DENND3: variants seen among roughly 807,000 people sequenced by gnomAD.
The protein encoded by DENND3 is DENN domain-containing protein 3.
A neutral mutation model predicts 135.1 loss-of-function variants in DENND3; 88 were observed. That is an observed-to-expected ratio of 0.65 (90% CI 0.55 to 0.78). DENND3 has a LOEUF of 0.78. DENND3 is among the 30% of genes least tolerant of loss of function. The pLI, the probability that DENND3 is intolerant of heterozygous loss-of-function variation, is 0.00. For synonymous variants in DENND3, 693 were observed against 712.3 expected, an observed-to-expected ratio of 0.97 and a Z score of 0.43; for missense variants, 1,392 against 1,688.4, an observed-to-expected ratio of 0.82 and a Z score of 3.08.
At chr8:141,185,965 CA>C (rs772787613) in intron 18 of DENND3, among the ~76,000 whole-genome samples, 2 of 150,948 alleles carry the variant, frequency 1.3e-5, no homozygotes, top group African/African-American at 2.4e-5. Context: ...TTTTTTGAGA[CA>C]GGGTCTTGCT....
rs976361359 is a variant in DENND3 at position 141,194,434 on chromosome 8, G to A, written c.*201G>A. The A allele has an allele frequency of 1.3e-5, 8 of 611,956 alleles. No individual in the cohort carries two copies. Among genetic ancestry groups the A allele is most frequent in the Non-Finnish European group, 2.3e-5 (8 of 350,380 alleles). 37.9% of individuals were successfully genotyped at this position (611,956 alleles called of 1,614,324 possible). A position where few individuals can be genotyped will look rare whatever the true frequency, so the allele number is the denominator to read the frequency against. On this transcript the variant is annotated 3_prime_UTR_variant, in exon 23 of 23. Transcript: ENST00000519811. ...GGCCTTCGGGCCCCCTGGTTAAACT[G>A]CACCAAGGGTGTTTCCTGTTGGGGT... is the stretch of plus-strand genomic sequence containing the variant.
At position 141,165,304 on chromosome 8, in the gene DENND3, T is replaced by A; in HGVS notation, c.1553+15T>A. On this transcript the variant is annotated intron_variant, in intron 11 of 22. Coordinates refer to ENST00000519811, the MANE Select transcript of DENND3 (RefSeq NM_001352890.3). ...GAGGAGGACAGGTGCTTCACTGTTG[T>A]GTTTTGGATCTGCAGCTCTTTAGGA... 2.5e-6 allele frequency: 4 copies of A among 1,605,758 alleles called. No individual in the cohort carries two copies. In the South Asian group the frequency reaches 4.4e-5, roughly 18 times the overall value.
chr8:141,139,802 C>T lies in DENND3; in HGVS notation c.502-1401C>T, dbSNP rs1589547462. On this transcript the variant is annotated intron_variant, in intron 3 of 22. Coordinates refer to ENST00000519811, the MANE Select transcript of DENND3 (RefSeq NM_001352890.3). The surrounding 1 kb of genome is among the most constrained non-coding windows in gnomAD (Gnocchi z 4.2). ...CCTGGCGTGGGCATGCCTGGTCCTGCTCCTGCCTTCCCAGCAGCTGTGTAG... is the reference window on the plus strand; with the variant it reads ...CCTGGCGTGGGCATGCCTGGTCCTGTTCCTGCCTTCCCAGCAGCTGTGTAG... Among the ~76,000 whole-genome samples the T allele has an allele frequency of 6.6e-6, 1 of 152,254 alleles. No homozygotes were observed. Among genetic ancestry groups the T allele is most frequent in the Admixed American group, 6.5e-5 (1 of 15,292 alleles).
In DENND3 at chr8:141,144,262, A is replaced by G. The variant is rs769460963; in HGVS notation, c.735+3A>G. ...CGCCACCTGGACCGCTCCATTTGGT[A>G]AAGTATATCTGAAATTATATTGTTT... On this transcript the variant is annotated splice_donor_region_variant and intron_variant, in intron 5 of 22. Coordinates refer to ENST00000519811, the MANE Select transcript of DENND3 (RefSeq NM_001352890.3). This position sits in a 1 kb window ranked among gnomAD's most constrained non-coding sequence, Gnocchi z 4.4. The G allele has an allele frequency of 6.2e-7, 1 of 1,603,250 alleles. No homozygotes were observed. Among genetic ancestry groups the G allele is most frequent in the East Asian group, 2.2e-5 (1 of 44,686 alleles).
chr8:141,151,325 C>T (rs181937562), intron 6 of DENND3, among the ~76,000 whole-genome samples: 33 of 152,132 alleles, frequency 2.2e-4, no homozygotes, highest in African/African-American at 7.2e-4. Context: ...CTTTGGGAGG[C>T]GAAGTGGAAG....
In DENND3 at chr8:141,167,964, G is replaced by T; in HGVS notation, c.1754-40G>T. The T allele has an allele frequency of 6.4e-7, 1 of 1,571,402 alleles. No individual in the cohort carries two copies. The highest frequency in any genetic ancestry group is 8.6e-7 in the Non-Finnish European group (1 of 1,156,460). On this transcript the variant is annotated intron_variant, in intron 12 of 22. Transcript: ENST00000519811. The surrounding 1 kb of genome is among the most constrained non-coding windows in gnomAD (Gnocchi z 4.1). ...ACAGGGACACGTGTTCATTTGGAAG[G>T]TCTGTGCTAATGGTCTCCTTTTCCC...
At position 141,195,085 on chromosome 8, in the gene DENND3, G is replaced by A. The variant is rs116492192; in HGVS notation, c.*852G>A. 0.039 allele frequency: 5,957 copies of A among 152,266 alleles called. 399 individuals are homozygous for A. Among genetic ancestry groups the A allele is most frequent in the African/African-American group, 0.13 (5,587 of 41,524 alleles). 9.4% of individuals were successfully genotyped at this position (152,266 alleles called of 1,614,324 possible). Reference sequence around the variant, plus strand: ...CGTGTGATCTCGTCTTCAGTGTGCCGCTCAGTTCCCTGAATCCGTGTGCAC... The same window carrying A: ...CGTGTGATCTCGTCTTCAGTGTGCCACTCAGTTCCCTGAATCCGTGTGCAC... On this transcript the variant is annotated 3_prime_UTR_variant, in exon 23 of 23. Transcript: ENST00000519811.
Position 141,139,278 on chromosome 8 carries a change from C to T in DENND3, c.501+1141C>T, listed in dbSNP as rs542028773. Among the ~76,000 whole-genome samples, 4 of 152,214 alleles carry T rather than the reference C, an allele frequency of 2.6e-5. No individual in the cohort carries two copies. The highest frequency in any genetic ancestry group is 2.1e-4 in the South Asian group (1 of 4,820). ...ACATGTGACATTGAGTGTTGGGAGG[C>T]GTGAGGTATAATCACATGGATTCTG... On this transcript the variant is annotated intron_variant, in intron 3 of 22. Transcript: ENST00000519811. The surrounding 1 kb of genome is among the most constrained non-coding windows in gnomAD (Gnocchi z 4.2).
chr8:141,136,470 T>A, intron 1 of DENND3, 39 bp from the exon 2 acceptor site: 1 of 1,509,160 alleles, frequency 6.6e-7, no homozygotes, highest in Non-Finnish European at 8.8e-7. Context: ...GAACAAGAGC[T>A]GAGGCTGTGG....
chr8:141,150,860 T>C lies in DENND3; in HGVS notation c.762T>C (p.Ile254=), dbSNP rs141666513. The C allele has an allele frequency of 1.2e-6, 2 of 1,605,660 alleles. No homozygotes were observed. The highest frequency in any genetic ancestry group is 2.7e-5 in the African/African-American group (2 of 74,436). The change falls in exon 6 of 23, where the codon ATT becomes ATC. Residue 254 remains isoleucine, a synonymous_variant. Coordinates refer to ENST00000519811, the MANE Select transcript of DENND3 (RefSeq NM_001352890.3). The part of the protein sequence containing the change: ...HLVFNMKSLQ[I]VLPARADPES... Reference sequence around the variant, plus strand: ...TATTTAACATGAAGTCGCTCCAGATTGTGTTACCTGCCCGAGCAGACCCCG... The same window carrying C: ...TATTTAACATGAAGTCGCTCCAGATCGTGTTACCTGCCCGAGCAGACCCCG...
At chr8:141,152,137 C>A (rs1223910869) in intron 7 of DENND3, among the ~76,000 whole-genome samples, 2 of 152,236 alleles carry the variant, frequency 1.3e-5, no homozygotes, top group East Asian at 3.8e-4. Context: ...ATAGATGGTA[C>A]TGTTGTGACC....
chr8:141,133,760 ACT>A (rs1816442035), intron 1 of DENND3, among the ~76,000 whole-genome samples: 2 of 152,214 alleles, frequency 1.3e-5, no homozygotes, highest in South Asian at 4.1e-4. Flanking sequence ...GAAGACCCGA[ACT>A]GCACTGTGTT....
At chr8:141,157,904 C>T (rs1043388716) in intron 8 of DENND3, 2 of 840,268 alleles carry the variant, frequency 2.4e-6, no homozygotes, top group African/African-American at 3.7e-5. Context: ...GGATTACAGG[C>T]ATCTGTGACC....
rs1488559233 is a variant in DENND3, at chr8:141,166,417, G to A, written c.1753+28G>A. 6.3e-7 allele frequency: 1 copy of A among 1,595,718 alleles called. No homozygotes were observed. The highest frequency in any genetic ancestry group is 8.5e-7 in the Non-Finnish European group (1 of 1,173,060). On this transcript the variant is annotated intron_variant, in intron 12 of 22. Transcript: ENST00000519811. The surrounding 1 kb of genome is among the most constrained non-coding windows in gnomAD (Gnocchi z 4.3). Reference sequence around the variant, plus strand: ...GAGGGCTGCCCCCCACTGTGGTGCTGTGTGTCGGTCCCACCATTCCTGCAC... The same window carrying A: ...GAGGGCTGCCCCCCACTGTGGTGCTATGTGTCGGTCCCACCATTCCTGCAC...
chr8:141,188,741 G>A (rs1824270142), intron 18 of DENND3: 2 of 481,966 alleles, frequency 4.1e-6, no homozygotes, highest in Admixed American at 4.4e-5. Flanking sequence ...TGGGTTTCGT[G>A]TTAATGAATC....
At position 141,166,059 on chromosome 8, in the gene DENND3, C is replaced by T. The variant is rs932163155; in HGVS notation, c.1554-131C>T. 1.1e-6 allele frequency: 1 copy of T among 923,502 alleles called. No homozygotes were observed. Among genetic ancestry groups the T allele is most frequent in the Non-Finnish European group, 1.7e-6 (1 of 588,460 alleles). The allele number at this position is 923,502 out of a possible 1,614,324, so 57.2% of individuals were successfully genotyped here. A position where few individuals can be genotyped will look rare whatever the true frequency, so the allele number is the denominator to read the frequency against. On this transcript the variant is annotated intron_variant, in intron 11 of 22. Coordinates refer to ENST00000519811, the MANE Select transcript of DENND3 (RefSeq NM_001352890.3). The surrounding 1 kb of genome is among the most constrained non-coding windows in gnomAD (Gnocchi z 4.3). ...GTGAGATTTGGGCAACATGTTCTTACCAGTCTGTTTTCCACTGGTGTCCAA... is the reference window on the plus strand; with the variant it reads ...GTGAGATTTGGGCAACATGTTCTTATCAGTCTGTTTTCCACTGGTGTCCAA...
At chr8:141,129,100 A>G (rs1469524170) in intron 1 of DENND3, among the ~76,000 whole-genome samples, 1 of 152,102 alleles carries the variant, frequency 6.6e-6, no homozygotes, top group Non-Finnish European at 1.5e-5. Flanking sequence ...CCGGCCGGGA[A>G]TCTGGGGGTG....
Position 141,149,740 on chromosome 8 carries a change from A to G in DENND3, c.736-1094A>G, listed in dbSNP as rs192496257. ...AACCTAGCCGGGCACGGGCATGAGG[A>G]GAATGTGAAGGTGTCCCCCGCTGGG... On this transcript the variant is annotated intron_variant, in intron 5 of 22. Coordinates refer to ENST00000519811, the MANE Select transcript of DENND3 (RefSeq NM_001352890.3). 3.3e-5 allele frequency among the ~76,000 whole-genome samples: 5 copies of G among 152,366 alleles called. No homozygotes were observed. In the East Asian group the frequency reaches 9.6e-4, roughly 29 times the overall value.
chr8:141,183,150 A>G (rs149534968), intron 17 of DENND3, among the ~76,000 whole-genome samples: 2 of 152,342 alleles, frequency 1.3e-5, no homozygotes, highest in East Asian at 3.9e-4. Flanking sequence ...GTAGAAGAAT[A>G]TTTTCATGAC....
Sources: allele counts gnomAD v4.1 joint callset (sites outside exome capture counted in the v4.1 genomes callset), GRCh38; gene constraint gnomAD v4.1.1; non-coding constraint Gnocchi (gnomAD v3.1); transcripts MANE v1.5; gene names NCBI Gene and HGNC (gene_info 2026-07-23, HGNC 2026-07-21).